CACNA1C: variants seen among roughly 807,000 people sequenced by gnomAD.
CACNA1C encodes the protein voltage-dependent L-type calcium channel subunit alpha-1C.
CACNA1C carries 30 observed loss-of-function variants against 229.0 expected under a neutral mutation model. The observed-to-expected ratio is 0.13, with a 90% confidence interval of 0.10 to 0.18. CACNA1C has a LOEUF of 0.18. CACNA1C is among the 10% of genes least tolerant of loss of function. The pLI, the probability that CACNA1C is intolerant of heterozygous loss-of-function variation, is 1.00. For missense variants in CACNA1C, 1,658 were observed against 2,845.0 expected (o/e 0.58, Z 9.49); for synonymous variants, 1,114 against 1,132.5 (o/e 0.98, Z 0.33).
intron 30 of CACNA1C, among the ~76,000 whole-genome samples, chr12:2,635,351 C>G (rs1029612138): frequency 6.6e-6 from 1 of 152,202 alleles, no homozygotes; most frequent in Non-Finnish European, 1.5e-5. Flanking sequence ...TATAGGCAAG[C>G]CTTCTTGCGG....
chr12:2,095,133 A>G (rs914758717), intron 1 of CACNA1C, among the ~76,000 whole-genome samples: 1 of 152,160 alleles, frequency 6.6e-6, no homozygotes, highest in African/African-American at 2.4e-5. Context: ...ACCAGATCAC[A>G]CTATCTCTTC....
chr12:2,585,431 T>A lies in CACNA1C; in HGVS notation c.2395T>A (p.Ser799Thr), dbSNP rs749753740. 87 of 1,607,450 alleles carry A rather than the reference T, an allele frequency of 5.4e-5. No homozygotes were observed. Among genetic ancestry groups the A allele is most frequent in the Non-Finnish European group, 7.3e-5 (86 of 1,176,766 alleles). ...GGTGGAGAAGCCGGCAGTGGGGGAA[T>A]CCAAGGAGGAGAAGATTGAGCTGAA... is the stretch of plus-strand genomic sequence containing the variant. ...ELVEKPAVGE[S>T]KEEKIELKSI... is the part of the protein sequence containing the mutation. Residue 799 changes from serine (S) to threonine (T), a missense_variant, in exon 17 of 47, where the codon TCC (serine) becomes ACC (threonine). By Grantham distance (58) the Ser-to-Thr change is moderately conservative. Around this residue, in one of 20 missense-constraint regions of CACNA1C, gnomAD observed 121 missense variants for 128.8 expected, o/e 0.94. Transcript: ENST00000399655. This position sits in a 1 kb window ranked among gnomAD's most constrained non-coding sequence, Gnocchi z 4.1.
At chr12:2,174,906 A>G (rs943241940) in intron 3 of CACNA1C, among the ~76,000 whole-genome samples, 5 of 152,196 alleles carry the variant, frequency 3.3e-5, no homozygotes, top group Admixed American at 3.3e-4. Flanking sequence ...AACCATTGTA[A>G]AGGTCTTCAT....
At chr12:2,478,945 A>G (rs1287325109) in intron 5 of CACNA1C, among the ~76,000 whole-genome samples, 1 of 152,238 alleles carries the variant, frequency 6.6e-6, no homozygotes, top group African/African-American at 2.4e-5. Context: ...AACTTTCTAC[A>G]GCCTGGGTAC....
chr12:2,674,686 G>A (rs370194966), intron 39 of CACNA1C, 44 bp downstream of exon 39: 72 of 1,507,168 alleles, frequency 4.8e-5, no homozygotes, highest in African/African-American at 4.4e-4. Flanking sequence ...CTGCCTGGCC[G>A]TGCCCCCCTC....
At chr12:2,109,670 G>T (rs919250667) in intron 1 of CACNA1C, among the ~76,000 whole-genome samples, 4 of 152,200 alleles carry the variant, frequency 2.6e-5, no homozygotes, top group Non-Finnish European at 4.4e-5. Flanking sequence ...TTTAAAAGGT[G>T]ACTTTGGCTG....
intron 1 of CACNA1C, among the ~76,000 whole-genome samples, chr12:1,986,627 G>A (rs2037865492): frequency 6.6e-6 from 1 of 150,474 alleles, no homozygotes; most frequent in Admixed American, 6.6e-5. Context: ...AAAGAAAAGG[G>A]GGAAGTTTTT....
Position 2,392,614 on chromosome 12 carries a change from A to G in CACNA1C, c.478-56362A>G, listed in dbSNP as rs1343215746. ...TTTTCCTTATTATTCTTTAGAGGGGATTTGTCATGGGGTGATTTGGTGTCT... is the reference window on the plus strand; with the variant it reads ...TTTTCCTTATTATTCTTTAGAGGGGGTTTGTCATGGGGTGATTTGGTGTCT... On this transcript the variant is annotated intron_variant, in intron 3 of 46. Transcript: ENST00000399655. Among the ~76,000 whole-genome samples, 5 of 152,028 alleles carry G rather than the reference A, an allele frequency of 3.3e-5. No individual in the cohort carries two copies. In the East Asian group the frequency reaches 9.7e-4, roughly 29 times the overall value.
chr12:2,674,479 C>G, intron 38 of CACNA1C, 62 bp from the exon 39 acceptor site: 4 of 1,524,126 alleles, frequency 2.6e-6, no homozygotes, highest in Non-Finnish European at 3.5e-6. Context: ...TCCTACCTTA[C>G]GCAGAGGGAC....
chr12:2,008,474 C>G (rs1000683088), intron 1 of CACNA1C, among the ~76,000 whole-genome samples: 4 of 152,046 alleles, frequency 2.6e-5, no homozygotes, highest in African/African-American at 9.7e-5. Flanking sequence ...TGCTTATCAC[C>G]ACGTAGTCTC....
At position 2,116,441 on chromosome 12, in the gene CACNA1C, G is replaced by A. The variant is rs550180649; in HGVS notation, c.371+896G>A. Among the ~76,000 whole-genome samples, 9 of 150,620 alleles carry A rather than the reference G, an allele frequency of 6.0e-5. No homozygotes were observed. In the East Asian group the frequency reaches 1.6e-3, roughly 26 times the overall value. On this transcript the variant is annotated intron_variant, in intron 2 of 46. Transcript: ENST00000399655. ...GGCTGGAGTGCAGTGGTGCCGTCTC[G>A]GCTCACTGCAAGCTCCTGGGTTCGC...
intron 3 of CACNA1C, among the ~76,000 whole-genome samples, chr12:2,309,989 C>T (rs555511445): frequency 1.3e-5 from 2 of 152,308 alleles, no homozygotes; most frequent in East Asian, 1.9e-4. Context: ...TGGTAACACC[C>T]TAGTACTACC....
chr12:2,255,282 A>C (rs76139517), intron 3 of CACNA1C, among the ~76,000 whole-genome samples: 6,844 of 152,148 alleles, frequency 0.045, 185 homozygotes, highest in Middle Eastern at 0.071. Flanking sequence ...AAAAAAAAAA[A>C]AAAACCTAGT....
At chr12:2,577,300 T>C (rs2058770004) in intron 13 of CACNA1C, among the ~76,000 whole-genome samples, 1 of 152,256 alleles carries the variant, frequency 6.6e-6, no homozygotes. Flanking sequence ...CAATTCATCT[T>C]TTAAACAGAG....
chr12:2,343,098 C>CTG lies in CACNA1C; in HGVS notation c.478-105877_478-105876dup, dbSNP rs2096910254. ...AAGATACATGGCTAGAAGGAAGACACTGGGATTCAGGACTGGGTGTCCTGA... is the reference window on the plus strand; with the variant it reads ...AAGATACATGGCTAGAAGGAAGACACTGTGGGATTCAGGACTGGGTGTCCTGA... On this transcript the variant is annotated intron_variant, in intron 3 of 46. Coordinates refer to ENST00000399655, the MANE Select transcript of CACNA1C (RefSeq NM_000719.7). 4.6e-5 allele frequency among the ~76,000 whole-genome samples: 7 copies of CTG among 152,348 alleles called. No individual in the cohort carries two copies. In the South Asian group the frequency reaches 1.4e-3, roughly 32 times the overall value.
At chr12:2,143,016 C>T in intron 3 of CACNA1C, among the ~76,000 whole-genome samples, 1 of 150,696 alleles carries the variant, frequency 6.6e-6, no homozygotes, top group South Asian at 2.1e-4. Flanking sequence ...CTCTCTGTTG[C>T]CCAGGCTGGA....
intron 3 of CACNA1C, among the ~76,000 whole-genome samples, chr12:2,268,839 A>G (rs538980306): frequency 6.6e-6 from 1 of 152,196 alleles, no homozygotes; most frequent in Admixed American, 6.5e-5. Flanking sequence ...TTTCTGTCCC[A>G]GTTAATCTTG....
intron 1 of CACNA1C, among the ~76,000 whole-genome samples, chr12:2,071,357 G>A (rs7297171): frequency 0.54 from 81,714 of 150,476 alleles, 22,617 homozygotes; most frequent in Middle Eastern, 0.62. Flanking sequence ...AGCTGGGACT[G>A]GAGATGTGCG....
intron 3 of CACNA1C, among the ~76,000 whole-genome samples, chr12:2,308,206 A>C (rs1017390329): frequency 6.6e-6 from 1 of 152,246 alleles, no homozygotes; most frequent in Admixed American, 6.5e-5. Context: ...CTTGATTTTT[A>C]ATGTGGATAA....
Sources: allele counts gnomAD v4.1 joint callset (sites outside exome capture counted in the v4.1 genomes callset), GRCh38; gene constraint gnomAD v4.1.1; regional missense constraint gnomAD v4.1.1; non-coding constraint Gnocchi (gnomAD v3.1); transcripts MANE v1.5; gene names NCBI Gene and HGNC (gene_info 2026-07-23, HGNC 2026-07-21).